Variants in MACF1 observed in about 807,000 individuals in gnomAD.
The protein encoded by MACF1 is microtubule-actin cross-linking factor 1.
Under a neutral mutation model 854.8 loss-of-function variants are expected in MACF1, and 193 were observed. The observed-to-expected ratio is 0.23, with a 90% confidence interval of 0.20 to 0.25. MACF1 has a LOEUF of 0.25. Among genes scored for constraint, MACF1 ranks in the 10% least tolerant of loss-of-function variants. The probability of loss-of-function intolerance (pLI) is 1.00; values close to 1 mark genes in which losing one functional copy is unlikely to be tolerated. For synonymous variants in MACF1, 3,185 were observed against 3,226.7 expected, an observed-to-expected ratio of 0.99 and a Z score of 0.44; for missense variants, 7,722 against 8,929.1, an observed-to-expected ratio of 0.86 and a Z score of 5.45.
intron 58 of MACF1, among the ~76,000 whole-genome samples, chr1:39,419,312 A>C (rs939626182): frequency 6.6e-6 from 1 of 152,254 alleles, no homozygotes; most frequent in African/African-American, 2.4e-5. Context: ...TTCTATAGGA[A>C]ATGTTTGTAA....
intron 97 of MACF1, among the ~76,000 whole-genome samples, chr1:39,479,103 C>T (rs1570235702): frequency 6.6e-6 from 1 of 152,182 alleles, no homozygotes; most frequent in Admixed American, 6.5e-5. Flanking sequence ...CTTCCCGTGC[C>T]GACTCCACGT....
In MACF1 at chr1:39,379,305, A is replaced by G. The variant is rs761190322; in HGVS notation, c.13379A>G (p.Asn4460Ser). The G allele has an allele frequency of 9.3e-6, 15 of 1,614,112 alleles. No individual in the cohort carries two copies. The highest frequency in any genetic ancestry group is 3.3e-5 in the Admixed American group (2 of 60,004). Reference sequence around the variant, plus strand: ...CAGGAAAGCCTTCAGGCTATCCTCAACAGAATGGAGGAGGTTCACAAGGAG... The same window carrying G: ...CAGGAAAGCCTTCAGGCTATCCTCAGCAGAATGGAGGAGGTTCACAAGGAG... ...ERQESLQAILNRMEEVHKEAN... is the reference protein window; with the variant it reads ...ERQESLQAILSRMEEVHKEAN... The change falls in exon 54 of 101, where the codon AAC (asparagine) becomes AGC (serine). Residue 4460 changes from asparagine (N) to serine (S), a missense_variant. Coordinates refer to ENST00000564288, the MANE Select transcript of MACF1 (RefSeq NM_001394062.1).
At chr1:39,394,269 TGATTG>T (rs1217790270) in intron 58 of MACF1, among the ~76,000 whole-genome samples, 5 of 149,660 alleles carry the variant, frequency 3.3e-5, no homozygotes, top group Admixed American at 2.0e-4. Flanking sequence ...ATTGATTGAT[TGATTG>T]ATTTATTGCC....
intron 2 of MACF1, among the ~76,000 whole-genome samples, chr1:39,233,808 T>TTTTTTTTTTTTTTTTTTTTTTTA (rs755591226): frequency 1.5e-5 from 1 of 65,772 alleles, no homozygotes; most frequent in Non-Finnish European, 3.3e-5. Flanking sequence ...ATTTATTTTT[T>TTTTTTTTTTTTTTTTTTTTTTTA]ATTGATAATT....
rs1644111532 is a variant in MACF1, at chr1:39,441,332, G to A, written c.18672+7G>A. 2 of 1,606,912 alleles carry A rather than the reference G, an allele frequency of 1.2e-6. No homozygotes were observed. Among genetic ancestry groups the A allele is most frequent in the Non-Finnish European group, 1.7e-6 (2 of 1,175,312 alleles). On this transcript the variant is annotated splice_region_variant and intron_variant, in intron 74 of 100. Coordinates refer to ENST00000564288, the MANE Select transcript of MACF1 (RefSeq NM_001394062.1). ...GTATCAGGACACTCTTCAGGTGAGA[G>A]GCCAGGAGGTGACCACCAAGGAAAT...
chr1:39,168,481 A>G (rs1472804164), intron 2 of MACF1, among the ~76,000 whole-genome samples: 1 of 152,068 alleles, frequency 6.6e-6, no homozygotes, highest in East Asian at 1.9e-4. Context: ...GCTGGGTTCA[A>G]ATATATGTTT....
At chr1:39,207,716 T>C (rs1644467785) in intron 1 of MACF1, among the ~76,000 whole-genome samples, 1 of 152,248 alleles carries the variant, frequency 6.6e-6, no homozygotes, top group South Asian at 2.1e-4. Context: ...CTGTTATTAT[T>C]TGTTTCTATT....
chr1:39,105,802 G>A lies in MACF1; in HGVS notation c.220+21364G>A. 8.2e-6 allele frequency: 8 copies of A among 979,562 alleles called. No individual in the cohort carries two copies. The highest frequency in any genetic ancestry group is 4.5e-5 in the South Asian group (1 of 22,068). The allele number at this position is 979,562 out of a possible 1,614,324, so 60.7% of individuals were successfully genotyped here. On this transcript the variant is annotated intron_variant, in intron 2 of 93. Coordinates refer to the MACF1 transcript ENST00000361689. The surrounding 1 kb of genome is among the most constrained non-coding windows in gnomAD (Gnocchi z 5.9). ...GCCGGTCGGCTCGGCGGCTGCAGGT[G>A]GGGCGGCCGGGCGGGGTCGCACCCA...
In MACF1 at chr1:39,141,099, T is replaced by C. The variant is rs1310231933; in HGVS notation, c.220+56661T>C. 2.0e-5 allele frequency among the ~76,000 whole-genome samples: 3 copies of C among 152,234 alleles called. No individual in the cohort carries two copies. The East Asian group carries it at 5.8e-4, about 29-fold the overall frequency. ...TAAGCAGCAGAGTTAGGTTTCACAA[T>C]TTGCTCTAGAATTCTCATGTACTCA... is the stretch of plus-strand genomic sequence containing the variant. On this transcript the variant is annotated intron_variant, in intron 2 of 93. Transcript: ENST00000361689.
intron 49 of MACF1, among the ~76,000 whole-genome samples, chr1:39,363,813 C>T (rs1484971263): frequency 5.9e-5 from 9 of 152,020 alleles, no homozygotes. Flanking sequence ...TGGGGTTTCA[C>T]CATGTTGGCC....
At chr1:39,102,803 A>G (rs1217190160) in intron 2 of MACF1, 1 of 702,506 alleles carries the variant, frequency 1.4e-6, no homozygotes, top group Non-Finnish European at 2.6e-6. Context: ...CAAAGACCAA[A>G]AGGAGAAAGC....
chr1:39,182,150 TAA>T (rs35203410), intron 2 of MACF1, among the ~76,000 whole-genome samples: 62 of 122,192 alleles, frequency 5.1e-4, no homozygotes, highest in Admixed American at 7.6e-4. Flanking sequence ...GACTCCACCT[TAA>T]AAAAAAAAAA....
At position 39,334,425 on chromosome 1, in the gene MACF1, GGAATGAT is replaced by G. The variant is rs1231693532; in HGVS notation, c.7839_7845del (p.Met2615AlafsTer3). The G allele has an allele frequency of 2.5e-6, 4 of 1,613,950 alleles. No homozygotes were observed. Among genetic ancestry groups the G allele is most frequent in the Non-Finnish European group, 3.4e-6 (4 of 1,179,986 alleles). Reference sequence around the variant, plus strand: ...AACTAATGAAGCAGTATTGTCTCCAGGAATGATGCATGGCATTGTAGATCCCGAGAAC... The same window carrying G: ...AACTAATGAAGCAGTATTGTCTCCAGGCATGGCATTGTAGATCCCGAGAAC... On this transcript the variant is annotated frameshift_variant, in exon 37 of 101. Transcript: ENST00000564288. LOFTEE classifies it high-confidence loss of function.
intron 2 of MACF1, among the ~76,000 whole-genome samples, chr1:39,085,826 A>G (rs1009666753): frequency 2.1e-4 from 32 of 152,124 alleles, no homozygotes; most frequent in Non-Finnish European, 4.0e-4. Flanking sequence ...TCTACCCCCA[A>G]TCACCCTGCC....
intron 6 of MACF1, among the ~76,000 whole-genome samples, chr1:39,273,399 T>C (rs1256011465): frequency 1.3e-5 from 2 of 152,042 alleles, no homozygotes; most frequent in Non-Finnish European, 2.9e-5. Flanking sequence ...AGAAAGAGGT[T>C]GGTTGGTGTA....
chr1:39,446,363 G>T (rs928793084), intron 80 of MACF1, among the ~76,000 whole-genome samples: 4 of 151,676 alleles, frequency 2.6e-5, no homozygotes, highest in Non-Finnish European at 5.9e-5. Flanking sequence ...GATGTGGAAA[G>T]AATTCCTATC....
chr1:39,287,926 T>A (rs1165702148), intron 15 of MACF1, among the ~76,000 whole-genome samples: 1 of 152,194 alleles, frequency 6.6e-6, no homozygotes, highest in Non-Finnish European at 1.5e-5. Flanking sequence ...GTTTTCTCAT[T>A]TGAAACCCTT....
Position 39,336,482 on chromosome 1 carries a change from G to A in MACF1, c.9894G>A (p.Glu3298=). ...QNAIISPTVL[E]TSEEKTVSLT... ...CCATCATTAGTCCTACTGTTCTAGAGACCAGTGAAGAAAAGACAGTGTCCC... is the reference window on the plus strand; with the variant it reads ...CCATCATTAGTCCTACTGTTCTAGAAACCAGTGAAGAAAAGACAGTGTCCC... Residue 3298 remains glutamate (E), a synonymous_variant, in exon 37 of 101, where the codon GAG becomes GAA. Coordinates refer to ENST00000564288, the MANE Select transcript of MACF1 (RefSeq NM_001394062.1). 6.2e-7 allele frequency: 1 copy of A among 1,614,144 alleles called. No individual in the cohort carries two copies. The highest frequency in any genetic ancestry group is 8.5e-7 in the Non-Finnish European group (1 of 1,180,004).
intron 21 of MACF1, 76 bp from the exon 22 acceptor site, chr1:39,300,132 GTA>G: frequency 7.1e-7 from 1 of 1,413,966 alleles, no homozygotes; most frequent in Non-Finnish European, 9.8e-7. Context: ...AGGGAGTGGA[GTA>G]TTCAGTTTTC....
Sources: allele counts gnomAD v4.1 joint callset (sites outside exome capture counted in the v4.1 genomes callset), GRCh38; gene constraint gnomAD v4.1.1; non-coding constraint Gnocchi (gnomAD v3.1); transcripts MANE v1.5; gene names NCBI Gene and HGNC (gene_info 2026-07-23, HGNC 2026-07-21).